The following PPP2R2C variants were observed in gnomAD, a reference collection of about 807,000 sequenced individuals.
The protein encoded by PPP2R2C is protein phosphatase 2 regulatory subunit Bgamma, also known as protein phosphatase 2, regulatory subunit B, gamma.
A neutral mutation model predicts 45.3 loss-of-function variants in PPP2R2C; 10 were observed. That is an observed-to-expected ratio of 0.22 (90% CI 0.14 to 0.37). PPP2R2C has a LOEUF of 0.37. Among genes scored for constraint, PPP2R2C ranks in the 10% least tolerant of loss-of-function variants. The pLI is 1.00. For missense variants in PPP2R2C, 308 were observed against 619.7 expected, an observed-to-expected ratio of 0.50 and a Z score of 5.34; for synonymous variants, 257 against 245.4, an observed-to-expected ratio of 1.05 and a Z score of -0.44.
At position 6,397,353 on chromosome 4, in the gene PPP2R2C, C is replaced by T. The variant is rs565048323; in HGVS notation, c.71-16259G>A. ...CCAGGCCAGGGGGAGGCCTCAGCCT[C>T]GGGGCCTGGCTTGATAAACAGAATA... On this transcript the variant is annotated intron_variant, in intron 1 of 8. Coordinates refer to ENST00000382599, the MANE Select transcript of PPP2R2C (RefSeq NM_020416.4). Among the ~76,000 whole-genome samples the T allele has an allele frequency of 2.0e-4, 30 of 152,350 alleles. No individual in the cohort carries two copies. In the South Asian group the frequency reaches 6.0e-3, roughly 30 times the overall value.
At chr4:6,510,832 C>G (rs1577228395) in intron 2 of PPP2R2C, among the ~76,000 whole-genome samples, 2 of 152,066 alleles carry the variant, frequency 1.3e-5, no homozygotes, top group Admixed American at 1.3e-4. Context: ...AAAAAATTAG[C>G]CAGGCATGGT....
intron 1 of PPP2R2C, among the ~76,000 whole-genome samples, chr4:6,415,471 T>G (rs750158562): frequency 6.6e-6 from 1 of 152,216 alleles, no homozygotes. Flanking sequence ...CACCTCCAGG[T>G]GCCTCCAGTC....
chr4:6,328,712 G>A lies in PPP2R2C; in HGVS notation c.1052+550C>T, dbSNP rs1347595737. On this transcript the variant is annotated intron_variant, in intron 8 of 8. Coordinates refer to ENST00000382599, the MANE Select transcript of PPP2R2C (RefSeq NM_020416.4). This position sits in a 1 kb window ranked among gnomAD's most constrained non-coding sequence, Gnocchi z 4.4. ...ACTTTCCAGGCAGGTGGGGTTGAGA[G>A]ACGGCTGGACTTGTGGATTGTGACA... is the stretch of plus-strand genomic sequence containing the variant. 6.6e-6 allele frequency among the ~76,000 whole-genome samples: 1 copy of A among 152,236 alleles called. No individual in the cohort carries two copies. Among genetic ancestry groups the A allele is most frequent in the African/African-American group, 2.4e-5 (1 of 41,472 alleles).
upstream of PPP2R2C, among the ~76,000 whole-genome samples, chr4:6,472,845 C>T (rs1294435841): frequency 6.6e-6 from 1 of 151,966 alleles, no homozygotes; most frequent in Non-Finnish European, 1.5e-5. Flanking sequence ...GGGAGGGTAC[C>T]TTGGGTGCCC....
rs1347098139 is a variant in PPP2R2C, at chr4:6,471,472, A to AT, written c.70+687dup. On this transcript the variant is annotated intron_variant, in intron 1 of 8. Coordinates refer to ENST00000382599, the MANE Select transcript of PPP2R2C (RefSeq NM_020416.4). The surrounding 1 kb of genome is among the most constrained non-coding windows in gnomAD (Gnocchi z 5.6). ...TGGGCTTGTAGGGCCAACTTAGGGG[A>AT]TTTTAAACAGGGCCTGTTTGGGATG... is the stretch of plus-strand genomic sequence containing the variant. 2.0e-5 allele frequency: 3 copies of AT among 152,066 alleles called. No homozygotes were observed. Among genetic ancestry groups the AT allele is most frequent in the Non-Finnish European group, 4.4e-5 (3 of 68,038 alleles). 9.4% of individuals were successfully genotyped at this position (152,066 alleles called of 1,614,324 possible).
At chr4:6,365,293 T>C (rs1224896363) in intron 5 of PPP2R2C, among the ~76,000 whole-genome samples, 5 of 152,214 alleles carry the variant, frequency 3.3e-5, no homozygotes, top group Non-Finnish European at 5.9e-5. Flanking sequence ...CAGTGGTATG[T>C]ATCTGACATG....
At chr4:6,524,730 T>C (rs1035254220) in intron 2 of PPP2R2C, among the ~76,000 whole-genome samples, 2 of 152,170 alleles carry the variant, frequency 1.3e-5, no homozygotes, top group African/African-American at 2.4e-5. Context: ...CTAAGTTAGG[T>C]TGCAGTTCAT....
chr4:6,496,862 AAAATAAATAAATAAAT>A (rs58136718), intron 2 of PPP2R2C, among the ~76,000 whole-genome samples: 12 of 138,950 alleles, frequency 8.6e-5, no homozygotes, highest in African/African-American at 3.0e-4. Flanking sequence ...ACTCCATCTC[AAAATAAATAAATAAAT>A]AAATAAATAA....
At chr4:6,439,723 C>T (rs80210404) in intron 1 of PPP2R2C, among the ~76,000 whole-genome samples, 3,692 of 152,326 alleles carry the variant, frequency 0.024, 69 homozygotes, top group Non-Finnish European at 0.037. Flanking sequence ...ACATCACACT[C>T]AGACATACAT....
At chr4:6,536,871 G>A (rs1428483315) in intron 1 of PPP2R2C, among the ~76,000 whole-genome samples, 2 of 152,184 alleles carry the variant, frequency 1.3e-5, no homozygotes, top group African/African-American at 2.4e-5. Context: ...AGCAACTGTT[G>A]AACAGGATGA....
chr4:6,447,859 C>T lies in PPP2R2C; in HGVS notation c.70+24301G>A, dbSNP rs140678311. Among the ~76,000 whole-genome samples the T allele has an allele frequency of 4.2e-3, 644 of 152,282 alleles. 4 individuals carry two copies. Among genetic ancestry groups the T allele is most frequent in the African/African-American group, 0.015 (617 of 41,550 alleles). On this transcript the variant is annotated intron_variant, in intron 1 of 8. Coordinates refer to ENST00000382599, the MANE Select transcript of PPP2R2C (RefSeq NM_020416.4). Reference sequence around the variant, plus strand: ...CAGCGCAAGCACATCCCTGCGGGAACCACAACCCATCGAGGTCGCCAGCTC... The same window carrying T: ...CAGCGCAAGCACATCCCTGCGGGAATCACAACCCATCGAGGTCGCCAGCTC...
chr4:6,502,481 C>T (rs777023577), intron 2 of PPP2R2C, among the ~76,000 whole-genome samples: 10 of 151,914 alleles, frequency 6.6e-5, no homozygotes, highest in Admixed American at 2.6e-4. Flanking sequence ...TTCCTGCCCT[C>T]CCTCTGTCCC....
intron 2 of PPP2R2C, among the ~76,000 whole-genome samples, chr4:6,481,309 T>C (rs1165566836): frequency 1.3e-5 from 2 of 152,260 alleles, no homozygotes; most frequent in African/African-American, 4.8e-5. Context: ...GACGTATACT[T>C]ACCTCATTTA....
At position 6,382,533 on chromosome 4, in the gene PPP2R2C, C is replaced by T. The variant is rs769427134; in HGVS notation, c.71-1439G>A. The T allele has an allele frequency of 1.3e-5, 18 of 1,350,750 alleles. No homozygotes were observed. The South Asian group carries it at 1.8e-4, about 14-fold the overall frequency. 83.7% of individuals were successfully genotyped at this position (1,350,750 alleles called of 1,614,324 possible). A position where few individuals can be genotyped will look rare whatever the true frequency, so the allele number is the denominator to read the frequency against. The stretch of plus-strand genomic sequence containing the variant: ...TCACCATAACTGAATTCTGATCCCT[C>T]CTCAGCCTCATCCTCTGCAGCTTCC... On this transcript the variant is annotated intron_variant, in intron 1 of 8. Transcript: ENST00000382599.
intron 2 of PPP2R2C, among the ~76,000 whole-genome samples, chr4:6,505,703 C>T (rs112173359): frequency 3.3e-5 from 5 of 152,304 alleles, no homozygotes; most frequent in Non-Finnish European, 7.3e-5. Context: ...TGGTGGCTCA[C>T]GCCTGTCATC....
chr4:6,495,358 G>A (rs1722846921), intron 2 of PPP2R2C, among the ~76,000 whole-genome samples: 1 of 152,254 alleles, frequency 6.6e-6, no homozygotes, highest in Non-Finnish European at 1.5e-5. Flanking sequence ...GGCCCATGCA[G>A]ACCAGCACCC....
intron 5 of PPP2R2C, among the ~76,000 whole-genome samples, chr4:6,365,284 A>G (rs1577111593): frequency 6.6e-6 from 1 of 152,210 alleles, no homozygotes; most frequent in Non-Finnish European, 1.5e-5. Context: ...CCCAGCCATC[A>G]GTGGTATGTA....
At chr4:6,383,806 T>C (rs4431292) in intron 1 of PPP2R2C, 970,491 of 1,024,800 alleles carry the variant, frequency 0.95, 459,681 homozygotes, top group East Asian at 1. Context: ...GGTGCCTGTA[T>C]GCAGTAGCCA....
intron 1 of PPP2R2C, among the ~76,000 whole-genome samples, chr4:6,400,355 A>T (rs1033856536): frequency 1.3e-4 from 20 of 152,180 alleles, no homozygotes; most frequent in Admixed American, 1.3e-3. Flanking sequence ...TTTTCCAAAA[A>T]AAATATTATT....
Sources: allele counts gnomAD v4.1 joint callset (sites outside exome capture counted in the v4.1 genomes callset), GRCh38; gene constraint gnomAD v4.1.1; non-coding constraint Gnocchi (gnomAD v3.1); transcripts MANE v1.5; gene names NCBI Gene and HGNC (gene_info 2026-07-23, HGNC 2026-07-21).